GALNT11: variants seen among roughly 807,000 people sequenced by gnomAD.
GALNT11 encodes the protein polypeptide N-acetylgalactosaminyltransferase 11.
Under a neutral mutation model 72.7 loss-of-function variants are expected in GALNT11, and 47 were observed. That is an observed-to-expected ratio of 0.65 (90% CI 0.51 to 0.82). The LOEUF (loss-of-function observed/expected upper bound fraction) is 0.82. Among genes scored for constraint, GALNT11 ranks in the 40% least tolerant of loss-of-function variants. The pLI, the probability that GALNT11 is intolerant of heterozygous loss-of-function variation, is 0.00. For missense variants in GALNT11, 677 were observed against 778.4 expected, an observed-to-expected ratio of 0.87 and a Z score of 1.55; for synonymous variants, 270 against 286.6, an observed-to-expected ratio of 0.94 and a Z score of 0.58.
chr7:152,094,350 CGTCAAG>C lies in GALNT11; in HGVS notation c.125_130del (p.Val42_Lys43del), dbSNP rs2086238926. ...TGACTCAGCCACTTAAGAATGTGCC[CGTCAAG>C]GGGTCTGGGCCCCACGGACCATCTC... On this transcript the variant is annotated inframe_deletion, in exon 2 of 12. Transcript: ENST00000430044. This position sits in a 1 kb window ranked among gnomAD's most constrained non-coding sequence, Gnocchi z 4.3. 6.2e-7 allele frequency: 1 copy of C among 1,614,062 alleles called. No homozygotes were observed.
chr7:152,121,110 A>G, intron 11 of GALNT11, 142 bp downstream of exon 11: 2 of 916,600 alleles, frequency 2.2e-6, no homozygotes, highest in South Asian at 1.8e-5. Context: ...AACCACAGGT[A>G]GTACAAACCC....
At chr7:152,083,793 A>G (rs58846514) in intron 1 of GALNT11, among the ~76,000 whole-genome samples, 6,913 of 152,262 alleles carry the variant, frequency 0.045, 272 homozygotes, top group East Asian at 0.2. Flanking sequence ...TGACGTATTT[A>G]TTAGGATTTT....
chr7:152,093,002 G>A (rs903961752), intron 1 of GALNT11, among the ~76,000 whole-genome samples: 2 of 152,164 alleles, frequency 1.3e-5, no homozygotes, highest in Admixed American at 6.5e-5. Flanking sequence ...GCCAAGGCGG[G>A]CAGATCACCT....
chr7:152,072,200 T>C (rs2084692221), intron 1 of GALNT11, among the ~76,000 whole-genome samples: 3 of 150,178 alleles, frequency 2.0e-5, no homozygotes, highest in African/African-American at 7.4e-5. Context: ...ACGTCTGTTG[T>C]CCCAGCTACT....
At chr7:152,042,846 G>T (rs2082930326) in intron 1 of GALNT11, among the ~76,000 whole-genome samples, 1 of 152,146 alleles carries the variant, frequency 6.6e-6, no homozygotes, top group African/African-American at 2.4e-5. Context: ...TAACTACTTT[G>T]ATATACTTTA....
chr7:152,099,935 C>G (rs2086711763), intron 2 of GALNT11, among the ~76,000 whole-genome samples: 1 of 148,908 alleles, frequency 6.7e-6, no homozygotes, highest in Non-Finnish European at 1.5e-5. Flanking sequence ...ACTGAGCCAC[C>G]ACACCTGGCT....
At chr7:152,028,327 C>T (rs76450711) in intron 1 of GALNT11, among the ~76,000 whole-genome samples, 1 of 152,106 alleles carries the variant, frequency 6.6e-6, no homozygotes, top group Non-Finnish European at 1.5e-5. Context: ...TTACAGAGTG[C>T]TAATTGGTCG....
intron 1 of GALNT11, chr7:152,074,975 ACT>A (rs1246238284): frequency 1.3e-5 from 2 of 151,490 alleles, no homozygotes; most frequent in Non-Finnish European, 2.9e-5. Flanking sequence ...GGCAGAGAAA[ACT>A]CTGGGCTTAT....
chr7:152,115,583 A>G (rs2088758388), intron 8 of GALNT11, among the ~76,000 whole-genome samples: 1 of 152,226 alleles, frequency 6.6e-6, no homozygotes, highest in African/African-American at 2.4e-5. Context: ...CTCTTTTTAT[A>G]TGTTAAGACT....
intron 1 of GALNT11, among the ~76,000 whole-genome samples, chr7:152,084,566 C>T (rs756308840): frequency 6.6e-6 from 1 of 151,860 alleles, no homozygotes; most frequent in East Asian, 1.9e-4. Flanking sequence ...ATAATGAAAC[C>T]GTCTAATGAA....
chr7:152,087,752 A>T (rs2085740120), intron 1 of GALNT11, among the ~76,000 whole-genome samples: 1 of 152,236 alleles, frequency 6.6e-6, no homozygotes, highest in Admixed American at 6.5e-5. Flanking sequence ...ATCTTGGTTC[A>T]GTGCAAAGGG....
chr7:152,029,929 G>A lies in GALNT11; in HGVS notation c.-39+4045G>A, dbSNP rs7797728. On this transcript the variant is annotated intron_variant, in intron 1 of 11. Coordinates refer to ENST00000430044, the MANE Select transcript of GALNT11 (RefSeq NM_022087.4). ...TTGTCAGTGGCCTCAGTGCTTTTGG[G>A]CTACGCCCTTGTTTACACTGACAAC... is the stretch of plus-strand genomic sequence containing the variant. Among the ~76,000 whole-genome samples, 1,135 of 152,346 alleles carry A rather than the reference G, an allele frequency of 7.5e-3. 16 individuals are homozygous for A. The highest frequency in any genetic ancestry group is 0.026 in the African/African-American group (1,095 of 41,590).
intron 1 of GALNT11, among the ~76,000 whole-genome samples, chr7:152,064,745 T>C (rs1166144286): frequency 6.6e-6 from 1 of 152,230 alleles, no homozygotes. Flanking sequence ...AATTCTGGGT[T>C]GAAATTTCTT....
At chr7:152,077,526 A>C (rs1465517167) in intron 1 of GALNT11, among the ~76,000 whole-genome samples, 4 of 152,144 alleles carry the variant, frequency 2.6e-5, no homozygotes, top group African/African-American at 9.7e-5. Context: ...TGCCATCCAG[A>C]ACACTCATGG....
intron 2 of GALNT11, among the ~76,000 whole-genome samples, chr7:152,099,652 T>C (rs1040501221): frequency 6.7e-6 from 1 of 149,438 alleles, no homozygotes; most frequent in East Asian, 2.0e-4. Flanking sequence ...CTTCCCATAG[T>C]GCTGGGATTA....
At chr7:152,056,165 G>A (rs191873618) in intron 1 of GALNT11, among the ~76,000 whole-genome samples, 1 of 152,284 alleles carries the variant, frequency 6.6e-6, no homozygotes, top group East Asian at 1.9e-4. Context: ...ACATTTATCG[G>A]TAGTTTGGAA....
At chr7:152,112,782 A>C (rs572400832) in intron 7 of GALNT11, among the ~76,000 whole-genome samples, 53 of 152,202 alleles carry the variant, frequency 3.5e-4, no homozygotes, top group Non-Finnish European at 3.7e-4. Flanking sequence ...GAGTTATTCT[A>C]TATATTTTAT....
chr7:152,118,638 G>T, intron 9 of GALNT11, 40 bp from the exon 10 acceptor site: 5 of 1,581,578 alleles, frequency 3.2e-6, no homozygotes. Context: ...GGCGTCTCTG[G>T]GATTGTTTCC....
chr7:152,049,638 A>G (rs1793760636), intron 1 of GALNT11, among the ~76,000 whole-genome samples: 2 of 152,048 alleles, frequency 1.3e-5, no homozygotes, highest in South Asian at 4.2e-4. Context: ...GCTACTGCCT[A>G]TATTTGCTCA....
Sources: gnomAD v4.1 joint callset for allele counts (sites outside exome capture counted in the v4.1 genomes callset) on GRCh38, gnomAD v4.1.1 for gene constraint, Gnocchi (gnomAD v3.1) non-coding constraint, MANE v1.5 for transcripts, NCBI Gene and HGNC (gene_info 2026-07-23, HGNC 2026-07-21) for gene names.